PARL: variants seen among roughly 807,000 people sequenced by gnomAD.
PARL encodes presenilin-associated rhomboid-like protein, mitochondrial.
In PARL, 44 loss-of-function variants were observed where a neutral mutation model predicts 51.6. The observed-to-expected ratio is 0.85, with a 90% CI of 0.67 to 1.10. The LOEUF (loss-of-function observed/expected upper bound fraction) is 1.10. Ranked by LOEUF, PARL falls within the 50% of genes least tolerant of loss-of-function variation. PARL has a pLI of 0.00. For missense variants in PARL, 441 were observed against 469.5 expected, an observed-to-expected ratio of 0.94 and a Z score of 0.56; for synonymous variants, 172 against 164.0, an observed-to-expected ratio of 1.05 and a Z score of -0.37.
chr3:183,857,043 T>A (rs1731256622), intron 4 of PARL, among the ~76,000 whole-genome samples: 1 of 152,128 alleles, frequency 6.6e-6, no homozygotes, highest in South Asian at 2.1e-4. Flanking sequence ...TAATACTCAT[T>A]TACATGGAAT....
chr3:183,868,347 G>A (rs146886660), intron 1 of PARL, among the ~76,000 whole-genome samples: 2 of 151,768 alleles, frequency 1.3e-5, no homozygotes, highest in African/African-American at 4.8e-5. Context: ...GAAAGAATCT[G>A]AAGACCTGGT....
At chr3:183,872,280 G>A (rs534643865) in intron 1 of PARL, among the ~76,000 whole-genome samples, 2 of 152,278 alleles carry the variant, frequency 1.3e-5, no homozygotes, top group East Asian at 3.9e-4. Flanking sequence ...GGGATTACAG[G>A]CATGTGCCAC....
intron 4 of PARL, among the ~76,000 whole-genome samples, chr3:183,858,752 G>A (rs1026076823): frequency 7.2e-5 from 11 of 152,098 alleles, no homozygotes; most frequent in Admixed American, 6.6e-4. Context: ...AGAAAATTAG[G>A]TGAAATATAA....
intron 7 of PARL, among the ~76,000 whole-genome samples, chr3:183,836,555 C>G (rs1728617425): frequency 1.3e-5 from 2 of 152,006 alleles, no homozygotes; most frequent in Admixed American, 6.6e-5. Flanking sequence ...GAAAATGAAC[C>G]CTTCTCTTCT....
At chr3:183,882,992 A>G (rs1193186580) in intron 1 of PARL, among the ~76,000 whole-genome samples, 2 of 152,208 alleles carry the variant, frequency 1.3e-5, no homozygotes, top group African/African-American at 2.4e-5. Flanking sequence ...CCAGAGGCAA[A>G]TGCTCTATTT....
rs367627459 is a variant in PARL at position 183,846,189 on chromosome 3, GA to G, written c.512-1864del. Among the ~76,000 whole-genome samples, 9 of 151,708 alleles carry G rather than the reference GA, an allele frequency of 5.9e-5. No homozygotes were observed. The South Asian group carries it at 8.3e-4, about 14-fold the overall frequency. On this transcript the variant is annotated intron_variant, in intron 4 of 9. Transcript: ENST00000317096. ...GTGATTAAAATAAAGGAAAATACAT[GA>G]AAAAAAATGAAAGATAAAGGCCGGG... is the stretch of plus-strand genomic sequence containing the variant.
intron 4 of PARL, among the ~76,000 whole-genome samples, chr3:183,858,908 CA>C (rs796139614): frequency 2.5e-3 from 367 of 144,414 alleles, no homozygotes; most frequent in African/African-American, 8.4e-3. Context: ...AAATTAAGAC[CA>C]AAAAAAAAAT....
chr3:183,833,539 C>G lies in PARL; in HGVS notation c.981G>C (p.Trp327Cys), dbSNP rs1401384002. 2 of 1,613,916 alleles carry G rather than the reference C, an allele frequency of 1.2e-6. No homozygotes were observed. Among genetic ancestry groups the G allele is most frequent in the Non-Finnish European group, 1.7e-6 (2 of 1,179,892 alleles). ...GATGTGCCGCATGATCAAAAAATTT[C>G]CATCCCAGGATCATTCCTGCTGTAT... ...AMDTAGMILG[W>C]KFFDHAAHLG... The change falls in exon 9 of 10, where the codon TGG (tryptophan) becomes TGC (cysteine). Residue 327 changes from tryptophan to cysteine, a missense_variant. Coordinates refer to ENST00000317096, the MANE Select transcript of PARL (RefSeq NM_018622.7).
intron 4 of PARL, among the ~76,000 whole-genome samples, chr3:183,859,273 A>C (rs1192661065): frequency 6.6e-6 from 1 of 152,064 alleles, no homozygotes. Flanking sequence ...GCAAGACTCC[A>C]TCTCAAAACA....
At chr3:183,831,005 C>T (rs1308795268) in intron 9 of PARL, among the ~76,000 whole-genome samples, 1 of 152,188 alleles carries the variant, frequency 6.6e-6, no homozygotes, top group African/African-American at 2.4e-5. Flanking sequence ...TAGACAGAGT[C>T]GCGCTCTGTT....
chr3:183,856,496 A>G (rs935046341), intron 4 of PARL: 1 of 152,268 alleles, frequency 6.6e-6, no homozygotes, highest in Non-Finnish European at 1.5e-5. Flanking sequence ...AGTGGCTATC[A>G]TTTCTTTTCC....
At chr3:183,859,871 G>C (rs568233914) in intron 4 of PARL, among the ~76,000 whole-genome samples, 1 of 152,196 alleles carries the variant, frequency 6.6e-6, no homozygotes, top group Non-Finnish European at 1.5e-5. Flanking sequence ...GAGCTCAACA[G>C]ATTCAATGGC....
chr3:183,866,263 A>G (rs1248821238), intron 3 of PARL, among the ~76,000 whole-genome samples: 1 of 152,326 alleles, frequency 6.6e-6, no homozygotes, highest in East Asian at 1.9e-4. Flanking sequence ...CCAGATATAT[A>G]AAACAGTAAT....
rs1458971011 is a variant in PARL, at chr3:183,829,706, C to G, written c.1032G>C (p.Trp344Cys). The G allele has an allele frequency of 1.2e-6, 2 of 1,613,716 alleles. No homozygotes were observed. Among genetic ancestry groups the G allele is most frequent in the East Asian group, 4.5e-5 (2 of 44,890 alleles). Residue 344 changes from tryptophan (W) to cysteine (C), a missense_variant, in exon 10 of 10, where the codon TGG becomes TGC. By Grantham distance (215) the Trp-to-Cys change is radical. Coordinates refer to ENST00000317096, the MANE Select transcript of PARL (RefSeq NM_018622.7). ...TCAGTTCATGACCGTAAGTAACATA[C>G]CATCTGGAGAAAAACAAACCAGGTC... is the stretch of plus-strand genomic sequence containing the variant. ...AHLGGALFGI[W>C]YVTYGHELIW...
chr3:183,862,311 A>G (rs1409801127), intron 4 of PARL, among the ~76,000 whole-genome samples: 1 of 152,192 alleles, frequency 6.6e-6, no homozygotes, highest in African/African-American at 2.4e-5. Context: ...ATTGCTTACT[A>G]GCAGTTTGAC....
chr3:183,839,415 TTGAGACAGGGTCTTGTTCTG>T (rs1159708762), intron 7 of PARL, among the ~76,000 whole-genome samples: 4 of 152,172 alleles, frequency 2.6e-5, no homozygotes, highest in African/African-American at 4.8e-5. Flanking sequence ...TTTTTTTTCT[TTGAGACAGGGTCTTGTTCTG>T]TGAGACAGGG....
chr3:183,843,842 C>CA (rs1729629801), intron 5 of PARL, among the ~76,000 whole-genome samples: 2 of 151,826 alleles, frequency 1.3e-5, no homozygotes, highest in South Asian at 2.1e-4. Flanking sequence ...TGTTCAAGAA[C>CA]AGCCTATCCA....
chr3:183,873,809 A>G (rs1162939154), intron 1 of PARL, among the ~76,000 whole-genome samples: 3 of 152,178 alleles, frequency 2.0e-5, no homozygotes, highest in Admixed American at 6.5e-5. Context: ...CTTGAGGCAA[A>G]GCCAGACCTT....
rs925699927 is a variant in PARL, at chr3:183,839,397, T to TA, written c.828+1172dup. Among the ~76,000 whole-genome samples, 4 of 152,134 alleles carry TA rather than the reference T, an allele frequency of 2.6e-5. No individual in the cohort carries two copies. The East Asian group carries it at 5.8e-4, about 22-fold the overall frequency. ...TCTGCCATTAAACTCAAAAGACACT[T>TA]AAAAAAATTTTTTTTCTTTGAGACA... On this transcript the variant is annotated intron_variant, in intron 7 of 9. Coordinates refer to ENST00000317096, the MANE Select transcript of PARL (RefSeq NM_018622.7).
Sources: allele counts gnomAD v4.1 joint callset (sites outside exome capture counted in the v4.1 genomes callset), GRCh38; gene constraint gnomAD v4.1.1; transcripts MANE v1.5; gene names NCBI Gene and HGNC (gene_info 2026-07-23, HGNC 2026-07-21).